The following NUFIP2 variants were observed in gnomAD, a reference collection of about 807,000 sequenced individuals.
NUFIP2 encodes the protein FMR1-interacting protein NUFIP2.
Under a neutral mutation model 56.9 loss-of-function variants are expected in NUFIP2, and 6 were observed. That is an observed-to-expected ratio of 0.11 (90% CI 0.06 to 0.21). The LOEUF (loss-of-function observed/expected upper bound fraction) is 0.21. Among genes scored for constraint, NUFIP2 ranks in the 10% least tolerant of loss-of-function variants. The pLI is 1.00. For synonymous variants in NUFIP2, 321 were observed against 298.2 expected (o/e 1.08, Z -0.79); for missense variants, 828 against 826.8 (o/e 1.00, Z -0.02).
intron 2 of NUFIP2, among the ~76,000 whole-genome samples, chr17:29,281,967 T>C (rs1449708327): frequency 1.3e-5 from 2 of 151,788 alleles, no homozygotes; most frequent in African/African-American, 4.8e-5. Context: ...GGTTTCACTG[T>C]TAGCCAGGAT....
chr17:29,285,358 G>A (rs937921094), intron 2 of NUFIP2, among the ~76,000 whole-genome samples: 1 of 151,564 alleles, frequency 6.6e-6, no homozygotes, highest in Admixed American at 6.6e-5. Flanking sequence ...CACTTTGGGA[G>A]GCCGTGGGTG....
chr17:29,283,646 C>T (rs1221264275), intron 2 of NUFIP2, among the ~76,000 whole-genome samples: 1 of 152,202 alleles, frequency 6.6e-6, no homozygotes, highest in African/African-American at 2.4e-5. Context: ...CAGGCTCACA[C>T]AATGATCGCC....
intron 2 of NUFIP2, among the ~76,000 whole-genome samples, chr17:29,269,128 T>G (rs1348945510): frequency 1.3e-5 from 2 of 152,170 alleles, no homozygotes; most frequent in African/African-American, 4.8e-5. Context: ...ATCTGGAGAT[T>G]AACACAAACT....
At chr17:29,291,826 C>T (rs2069215447) in intron 1 of NUFIP2, among the ~76,000 whole-genome samples, 1 of 152,326 alleles carries the variant, frequency 6.6e-6, no homozygotes, top group South Asian at 2.1e-4. Flanking sequence ...ACACCTAACT[C>T]GTGCGTATGT....
chr17:29,273,534 A>C (rs2069089363), intron 2 of NUFIP2, among the ~76,000 whole-genome samples: 1 of 152,064 alleles, frequency 6.6e-6, no homozygotes, highest in Non-Finnish European at 1.5e-5. Flanking sequence ...ACAGACACAC[A>C]GCACAAAATC....
At position 29,262,434 on chromosome 17, in the gene NUFIP2, TCA is replaced by T. The variant is rs1189716372; in HGVS notation, c.*2103_*2104del. 2.0e-5 allele frequency: 3 copies of T among 152,452 alleles called. No homozygotes were observed. Among genetic ancestry groups the T allele is most frequent in the Non-Finnish European group, 4.4e-5 (3 of 67,984 alleles). 9.4% of individuals were successfully genotyped at this position (152,452 alleles called of 1,614,324 possible). On this transcript the variant is annotated 3_prime_UTR_variant, in exon 4 of 4. Coordinates refer to ENST00000225388, the MANE Select transcript of NUFIP2 (RefSeq NM_020772.3). ...CACAAAAACACAGACTTTTTTCACT[TCA>T]GTTATGTGGTATGTTGCATTTTCCA...
intron 2 of NUFIP2, among the ~76,000 whole-genome samples, chr17:29,274,377 G>C (rs2069094844): frequency 6.6e-6 from 1 of 152,186 alleles, no homozygotes; most frequent in African/African-American, 2.4e-5. Context: ...GGAGGCTGAA[G>C]CAAGAGGATT....
chr17:29,285,593 G>GA (rs1238880643), intron 2 of NUFIP2, among the ~76,000 whole-genome samples: 2 of 150,462 alleles, frequency 1.3e-5, no homozygotes, highest in Non-Finnish European at 3.0e-5. Flanking sequence ...CCATCTCAAA[G>GA]AAAAAAAACA....
chr17:29,284,359 T>C (rs2069157959), intron 2 of NUFIP2, among the ~76,000 whole-genome samples: 1 of 152,326 alleles, frequency 6.6e-6, no homozygotes, highest in South Asian at 2.1e-4. Context: ...ATTACAGTTA[T>C]GCCATACAGC....
chr17:29,275,813 C>T (rs1238650817), intron 2 of NUFIP2, among the ~76,000 whole-genome samples: 2 of 151,772 alleles, frequency 1.3e-5, no homozygotes, highest in African/African-American at 2.4e-5. Flanking sequence ...GGATCACTTG[C>T]GGTCAGGAGT....
chr17:29,286,837 G>A lies in NUFIP2; in HGVS notation c.1157C>T (p.Ser386Phe). The change falls in exon 2 of 4, where the codon TCT becomes TTT. Residue 386 changes from serine to phenylalanine, a missense_variant. Ser to Phe is a radical substitution (Grantham distance 155, BLOSUM62 -2). Around this residue, in one of 3 missense-constraint regions of NUFIP2, gnomAD observed 404 missense variants for 380.3 expected, o/e 1.06. Transcript: ENST00000225388. ...TGATTGGGTCTGAGTTTCCCCGGTA[G>A]ATGATGAAGATGATGAAGATGAAGT... ...SPTSSSSSSS[S>F]TGETQTQSSS... 6.2e-7 allele frequency: 1 copy of A among 1,613,866 alleles called. No homozygotes were observed. Among genetic ancestry groups the A allele is most frequent in the Non-Finnish European group, 8.5e-7 (1 of 1,179,840 alleles).
intron 2 of NUFIP2, among the ~76,000 whole-genome samples, chr17:29,284,862 G>A (rs7214290): frequency 0.22 from 34,008 of 151,964 alleles, 4,267 homozygotes; most frequent in South Asian, 0.35. Context: ...TTGACACTGT[G>A]ATTTGTCTAA....
chr17:29,265,455 A>T (rs1266442145), intron 3 of NUFIP2, among the ~76,000 whole-genome samples: 7 of 146,328 alleles, frequency 4.8e-5, no homozygotes, highest in African/African-American at 7.4e-5. Flanking sequence ...GGCGCCCGCT[A>T]CCACGCCCGG....
Position 29,286,765 on chromosome 17 carries a change from G to C in NUFIP2, c.1229C>G (p.Thr410Ser), listed in dbSNP as rs1267274267. 3 of 1,614,096 alleles carry C rather than the reference G, an allele frequency of 1.9e-6. No individual in the cohort carries two copies. Among genetic ancestry groups the C allele is most frequent in the Non-Finnish European group, 2.5e-6 (3 of 1,180,012 alleles). Residue 410 changes from threonine to serine, a missense_variant, in exon 2 of 4, where the codon ACT becomes AGT. By Grantham distance (58) the Thr-to-Ser change is moderately conservative. This residue lies in a region of NUFIP2 where 404 missense variants were observed against 380.3 expected (regional missense o/e 1.06). Coordinates refer to ENST00000225388, the MANE Select transcript of NUFIP2 (RefSeq NM_020772.3). ...AGGCCCATTAGAAAAGTTGGCAGAA[G>C]TAACAGATTTCAGCGCTGACATAGG... ...QVPMSALKSV[T>S]SANFSNGPVL... is the part of the protein sequence containing the mutation.
rs962946585 is a variant in NUFIP2 at position 29,286,494 on chromosome 17, C to T, written c.1500G>A (p.Gly500=). The T allele has an allele frequency of 1.2e-6, 2 of 1,614,114 alleles. No homozygotes were observed. Among genetic ancestry groups the T allele is most frequent in the Non-Finnish European group, 1.7e-6 (2 of 1,180,016 alleles). Residue 500 remains glycine (G), a synonymous_variant, in exon 2 of 4, where the codon GGG becomes GGA. Coordinates refer to ENST00000225388, the MANE Select transcript of NUFIP2 (RefSeq NM_020772.3). ...LPSQTDQQNL[G]DIFQNQWGLS... ...AACCCCACTGATTCTGGAAGATATC[C>T]CCCAGGTTTTGCTGATCTGTCTGAG...
intron 2 of NUFIP2, among the ~76,000 whole-genome samples, chr17:29,284,706 CAAAAAAA>C (rs66700326): frequency 1.3e-4 from 7 of 53,644 alleles, no homozygotes; most frequent in East Asian, 5.2e-4. Context: ...GACTCCATCT[CAAAAAAA>C]AAAAAAAAAA....
Position 29,263,820 on chromosome 17 carries a change from C to T in NUFIP2, c.*719G>A, listed in dbSNP as rs778336202. On this transcript the variant is annotated 3_prime_UTR_variant, in exon 4 of 4. Transcript: ENST00000225388. ...TAACCGAAGCCAAGTTAACTATGTA[C>T]CATCAACTAACTATTCCAGAATTGT... 1.3e-5 allele frequency: 2 copies of T among 152,532 alleles called. No homozygotes were observed. Among genetic ancestry groups the T allele is most frequent in the African/African-American group, 2.4e-5 (1 of 41,412 alleles). The allele number at this position is 152,532 out of a possible 1,614,324, so 9.4% of individuals were successfully genotyped here. A position where few individuals can be genotyped will look rare whatever the true frequency, so the allele number is the denominator to read the frequency against.
At chr17:29,289,285 G>A (rs1161200528) in intron 1 of NUFIP2, among the ~76,000 whole-genome samples, 1 of 152,138 alleles carries the variant, frequency 6.6e-6, no homozygotes, top group Non-Finnish European at 1.5e-5. Context: ...GCATCTTGAG[G>A]TCAAGTCATT....
intron 1 of NUFIP2, 103 bp from the exon 2 acceptor site, chr17:29,287,819 T>G (rs797960): frequency 0.41 from 449,981 of 1,093,800 alleles, 93,882 homozygotes; most frequent in East Asian, 0.52. Context: ...GACACTATGC[T>G]ATGAGCTGTA....
Sources: allele counts gnomAD v4.1 joint callset (sites outside exome capture counted in the v4.1 genomes callset), GRCh38; gene constraint gnomAD v4.1.1; regional missense constraint gnomAD v4.1.1; transcripts MANE v1.5; gene names NCBI Gene and HGNC (gene_info 2026-07-23, HGNC 2026-07-21).